CDH13: variants seen among roughly 807,000 people sequenced by gnomAD.
CDH13 encodes the protein cadherin-13.
A neutral mutation model predicts 63.8 loss-of-function variants in CDH13; 24 were observed. The ratio of observed to expected loss-of-function variants is 0.38; its 90% CI spans 0.27 to 0.53. The LOEUF (loss-of-function observed/expected upper bound fraction) is 0.53, where lower values mean the gene tolerates loss of function less well. Ranked by LOEUF, CDH13 falls within the 20% of genes least tolerant of loss-of-function variation. The pLI is 0.85. For missense variants in CDH13, 1,049 were observed against 903.1 expected (o/e 1.16, Z -2.07); for synonymous variants, 503 against 355.3 (o/e 1.42, Z -4.67).
At chr16:82,894,789 G>C (rs1436780689) in intron 2 of CDH13, among the ~76,000 whole-genome samples, 1 of 152,250 alleles carries the variant, frequency 6.6e-6, no homozygotes, top group African/African-American at 2.4e-5. Flanking sequence ...GCATTTGAGG[G>C]AGACAGAAAT....
At chr16:83,600,185 C>T (rs557131445) in intron 7 of CDH13, among the ~76,000 whole-genome samples, 1 of 152,276 alleles carries the variant, frequency 6.6e-6, no homozygotes, top group African/African-American at 2.4e-5. Flanking sequence ...AGACCAGCGC[C>T]GGCTGACCCA....
At chr16:83,587,016 T>G (rs1373689917) in intron 7 of CDH13, among the ~76,000 whole-genome samples, 2 of 152,216 alleles carry the variant, frequency 1.3e-5, no homozygotes, top group African/African-American at 4.8e-5. Flanking sequence ...ATTTGCTGAT[T>G]TATTACTCTC....
At chr16:83,286,224 A>G (rs1425344448) in intron 5 of CDH13, among the ~76,000 whole-genome samples, 1 of 152,172 alleles carries the variant, frequency 6.6e-6, no homozygotes, top group Non-Finnish European at 1.5e-5. Context: ...CACTCTTCCC[A>G]CATCAGCCCC....
At chr16:83,061,894 A>G (rs1182654267) in intron 3 of CDH13, among the ~76,000 whole-genome samples, 1 of 152,204 alleles carries the variant, frequency 6.6e-6, no homozygotes, top group Non-Finnish European at 1.5e-5. Flanking sequence ...ATGTCACAAT[A>G]GTCCAGGAGA....
intron 2 of CDH13, among the ~76,000 whole-genome samples, chr16:82,947,747 T>C (rs1203891930): frequency 6.6e-6 from 1 of 152,238 alleles, no homozygotes; most frequent in African/African-American, 2.4e-5. Flanking sequence ...TATTTTGATG[T>C]TACTTTCCAG....
intron 6 of CDH13, among the ~76,000 whole-genome samples, chr16:83,360,174 G>C (rs2091135163): frequency 6.6e-6 from 1 of 152,194 alleles, no homozygotes; most frequent in African/African-American, 2.4e-5. Context: ...CTCGCCATAG[G>C]AAATATCGCT....
intron 6 of CDH13, among the ~76,000 whole-genome samples, chr16:83,416,757 A>C (rs889254101): frequency 2.6e-5 from 4 of 152,196 alleles, no homozygotes; most frequent in African/African-American, 7.2e-5. Flanking sequence ...GCTGGGGTCA[A>C]ATCTCTGAGA....
intron 2 of CDH13, among the ~76,000 whole-genome samples, chr16:82,978,535 G>A (rs1597344911): frequency 6.6e-6 from 1 of 152,346 alleles, no homozygotes; most frequent in East Asian, 1.9e-4. Flanking sequence ...AGCCACTACA[G>A]CCATAGCTAA....
chr16:83,758,327 A>G (rs1913682005), intron 11 of CDH13, among the ~76,000 whole-genome samples: 1 of 152,192 alleles, frequency 6.6e-6, no homozygotes, highest in Admixed American at 6.5e-5. Context: ...TTAAATTCTT[A>G]ACAAAAATAT....
At chr16:83,632,440 G>A (rs1281268476) in intron 8 of CDH13, among the ~76,000 whole-genome samples, 2 of 152,032 alleles carry the variant, frequency 1.3e-5, no homozygotes, top group African/African-American at 4.8e-5. Context: ...ACAAGGTGCT[G>A]AATGCTTTCT....
chr16:82,808,013 G>A (rs754083131), intron 1 of CDH13, among the ~76,000 whole-genome samples: 34 of 152,152 alleles, frequency 2.2e-4, no homozygotes, highest in African/African-American at 7.7e-4. Context: ...CTCCAGCGCA[G>A]TTCTTACTGA....
At chr16:83,649,913 C>A (rs1163560065) in intron 8 of CDH13, among the ~76,000 whole-genome samples, 1 of 152,216 alleles carries the variant, frequency 6.6e-6, no homozygotes, top group Non-Finnish European at 1.5e-5. Context: ...TGGTCCAAAG[C>A]CCACACTTTG....
chr16:83,496,749 G>A lies in CDH13; in HGVS notation c.960+10094G>A, dbSNP rs539905884. Among the ~76,000 whole-genome samples, 163 of 152,128 alleles carry A rather than the reference G, an allele frequency of 1.1e-3. 1 individual carries two copies. The highest frequency in any genetic ancestry group is 6.7e-3 in the Admixed American group (103 of 15,284). On this transcript the variant is annotated intron_variant, in intron 7 of 13. Coordinates refer to ENST00000567109, the MANE Select transcript of CDH13 (RefSeq NM_001257.5). ...GACCTACAAAATGGGGAAAATTTTC[G>A]CAACATACTCATCTGACAAAGGGCT... is the stretch of plus-strand genomic sequence containing the variant.
intron 6 of CDH13, among the ~76,000 whole-genome samples, chr16:83,434,348 C>T (rs994289700): frequency 1.3e-5 from 2 of 152,164 alleles, no homozygotes; most frequent in Admixed American, 6.5e-5. Context: ...GAACCTACTT[C>T]CCCATTTGTG....
chr16:82,673,007 T>TTTTC (rs1567612786), intron 1 of CDH13, among the ~76,000 whole-genome samples: 1 of 90,866 alleles, frequency 1.1e-5, no homozygotes, highest in African/African-American at 5.8e-5. Flanking sequence ...TTCTTTTTTT[T>TTTTC]TTTTTTTTTT....
intron 2 of CDH13, among the ~76,000 whole-genome samples, chr16:82,865,980 C>G (rs1247229329): frequency 1.3e-5 from 2 of 152,182 alleles, no homozygotes; most frequent in Admixed American, 1.3e-4. Context: ...GAAATTTCTT[C>G]TGCCAGATAC....
chr16:83,567,950 C>G (rs1412910961), intron 7 of CDH13, among the ~76,000 whole-genome samples: 1 of 152,174 alleles, frequency 6.6e-6, no homozygotes, highest in African/African-American at 2.4e-5. Context: ...ACCAAAGCCC[C>G]AATTCATCGC....
At chr16:83,404,333 G>T (rs2092010558) in intron 6 of CDH13, among the ~76,000 whole-genome samples, 1 of 152,176 alleles carries the variant, frequency 6.6e-6, no homozygotes. Flanking sequence ...TGTCATTTCT[G>T]CCTGACCTTG....
chr16:82,747,229 A>G (rs1597463095), intron 1 of CDH13, among the ~76,000 whole-genome samples: 1 of 152,192 alleles, frequency 6.6e-6, no homozygotes, highest in East Asian at 1.9e-4. Context: ...TAGAATCAGC[A>G]TACCTGGGAC....
Sources: gnomAD v4.1 joint callset for allele counts (sites outside exome capture counted in the v4.1 genomes callset) on GRCh38, gnomAD v4.1.1 for gene constraint, MANE v1.5 for transcripts, NCBI Gene and HGNC (gene_info 2026-07-23, HGNC 2026-07-21) for gene names.